XPO7: variants seen among roughly 807,000 people sequenced by gnomAD.
The protein encoded by XPO7 is exportin 7.
XPO7 carries 21 observed loss-of-function variants against 144.3 expected under a neutral mutation model. The observed-to-expected ratio is 0.15, with a 90% CI of 0.10 to 0.21. The LOEUF (loss-of-function observed/expected upper bound fraction) is 0.21, where lower values mean the gene tolerates loss of function less well. Ranked by LOEUF, XPO7 falls within the 10% of genes least tolerant of loss-of-function variation. The probability of loss-of-function intolerance (pLI) is 1.00; values close to 1 mark genes in which losing one functional copy is unlikely to be tolerated. For missense variants in XPO7, 808 were observed against 1,325.8 expected, an observed-to-expected ratio of 0.61 and a Z score of 6.06; for synonymous variants, 580 against 499.6, an observed-to-expected ratio of 1.16 and a Z score of -2.15.
chr8:21,940,919 G>A (rs1283996432), intron 1 of XPO7, among the ~76,000 whole-genome samples: 2 of 152,076 alleles, frequency 1.3e-5, no homozygotes, highest in Non-Finnish European at 2.9e-5. Context: ...GGTACATGCC[G>A]AATTATACCA....
At chr8:21,987,669 C>T in intron 14 of XPO7, 115 bp from the exon 15 acceptor site, 1 of 1,161,552 alleles carries the variant, frequency 8.6e-7, no homozygotes. Flanking sequence ...AAAGTCCTCT[C>T]TGGGATTCTT....
intron 4 of XPO7, 59 bp downstream of exon 4, chr8:21,970,369 AACACACACACACAC>A (rs140784168): frequency 9.6e-7 from 1 of 1,040,750 alleles, no homozygotes; most frequent in Non-Finnish European, 1.4e-6. Flanking sequence ...CATATATATA[AACACACACACACAC>A]ACACACACAA....
chr8:21,960,709 A>G (rs1811699724), intron 1 of XPO7, among the ~76,000 whole-genome samples: 1 of 152,252 alleles, frequency 6.6e-6, no homozygotes, highest in Non-Finnish European at 1.5e-5. Flanking sequence ...GTAGACATAC[A>G]CAGCATCTGC....
Position 21,980,208 on chromosome 8 carries a change from G to C in XPO7, c.957+5G>C. ...CGAATACTGGAAAACCCACAGGTAA[G>C]TTTATCTGAGAATTTACATATGTAT... On this transcript the variant is annotated splice_donor_5th_base_variant and intron_variant, in intron 9 of 27. Coordinates refer to ENST00000252512, the MANE Select transcript of XPO7 (RefSeq NM_015024.5). 6.3e-7 allele frequency: 1 copy of C among 1,577,284 alleles called. No homozygotes were observed. Among genetic ancestry groups the C allele is most frequent in the Non-Finnish European group, 8.6e-7 (1 of 1,159,938 alleles).
intron 1 of XPO7, among the ~76,000 whole-genome samples, chr8:21,936,779 C>T (rs1185270830): frequency 6.6e-6 from 1 of 152,030 alleles, no homozygotes; most frequent in Non-Finnish European, 1.5e-5. Context: ...CTATTAGTGG[C>T]CAGTGTGAAA....
chr8:21,949,458 C>A (rs1207005051), intron 1 of XPO7, among the ~76,000 whole-genome samples: 1 of 152,178 alleles, frequency 6.6e-6, no homozygotes, highest in Non-Finnish European at 1.5e-5. Context: ...CCCATTATTG[C>A]CACTCAGATG....
chr8:21,937,979 A>G (rs1023251730), intron 1 of XPO7, among the ~76,000 whole-genome samples: 1 of 152,192 alleles, frequency 6.6e-6, no homozygotes, highest in Non-Finnish European at 1.5e-5. Context: ...TGAGCCTTTC[A>G]TATCAATTTT....
At chr8:21,989,131 C>A in intron 16 of XPO7, 48 bp downstream of exon 16, 1 of 1,542,980 alleles carries the variant, frequency 6.5e-7, no homozygotes, top group South Asian at 1.1e-5. Flanking sequence ...ACTGGCATGC[C>A]ACAGTCTTAG....
chr8:21,971,578 A>G (rs1489726627), intron 4 of XPO7, among the ~76,000 whole-genome samples: 1 of 151,994 alleles, frequency 6.6e-6, no homozygotes, highest in Admixed American at 6.6e-5. Flanking sequence ...CATTTACTTT[A>G]GTGATGTGTT....
intron 1 of XPO7, among the ~76,000 whole-genome samples, chr8:21,950,757 T>G (rs1456537504): frequency 1.3e-5 from 2 of 152,182 alleles, no homozygotes; most frequent in Non-Finnish European, 2.9e-5. Flanking sequence ...GTATAAAATT[T>G]ATATTTACCT....
intron 2 of XPO7, among the ~76,000 whole-genome samples, chr8:21,967,397 C>A (rs542701637): frequency 1.3e-5 from 2 of 152,294 alleles, no homozygotes; most frequent in Non-Finnish European, 1.5e-5. Flanking sequence ...ATGGCGTGAT[C>A]TTGGCTCACT....
Position 22,003,218 on chromosome 8 carries a change from G to A in XPO7, c.2944-1G>A. ...CCTGAAATTCTCCATTCCATTTTCA[G>A]ATGCTGTCCACGGTGCTGAACATCA... On this transcript the variant is annotated splice_acceptor_variant, in intron 25 of 27. Transcript: ENST00000252512. LOFTEE classifies it high-confidence loss of function. 1 of 1,607,864 alleles carries A rather than the reference G, an allele frequency of 6.2e-7. No homozygotes were observed.
Position 22,005,265 on chromosome 8 carries a change from A to T in XPO7, c.*177A>T. The T allele has an allele frequency of 1.5e-4, 53 of 355,236 alleles. No individual in the cohort carries two copies. The highest frequency in any genetic ancestry group is 2.0e-4 in the Non-Finnish European group (40 of 195,330). 22.0% of individuals were successfully genotyped at this position (355,236 alleles called of 1,614,324 possible). The stretch of plus-strand genomic sequence containing the variant: ...GAATAGGGGTGTGAGTACACTCACT[A>T]GGGGGCAGGGCGCTGCTGGTTCCTG... On this transcript the variant is annotated 3_prime_UTR_variant, in exon 28 of 28. Coordinates refer to ENST00000252512, the MANE Select transcript of XPO7 (RefSeq NM_015024.5).
intron 12 of XPO7, among the ~76,000 whole-genome samples, chr8:21,985,251 CAGGG>C (rs1277637329): frequency 2.6e-5 from 4 of 152,208 alleles, no homozygotes; most frequent in African/African-American, 9.6e-5. Flanking sequence ...CCAGGGGAAA[CAGGG>C]AGATAAGTAC....
chr8:21,977,978 T>C, intron 8 of XPO7, 135 bp downstream of exon 8: 1 of 748,398 alleles, frequency 1.3e-6, no homozygotes, highest in East Asian at 2.9e-5. Flanking sequence ...ATCTAGTCTT[T>C]TGAGATTAAG....
intron 10 of XPO7, among the ~76,000 whole-genome samples, chr8:21,982,186 T>C (rs1012929626): frequency 2.6e-5 from 4 of 152,214 alleles, no homozygotes; most frequent in African/African-American, 9.6e-5. Context: ...AGAGAGTTGA[T>C]GCCCTCTCTT....
At chr8:21,968,786 T>C (rs117123298) in intron 2 of XPO7, among the ~76,000 whole-genome samples, 4,825 of 152,316 alleles carry the variant, frequency 0.032, 136 homozygotes, top group Non-Finnish European at 0.042. Flanking sequence ...TATAGCCACA[T>C]GGAGGAATTC....
chr8:21,971,860 T>A lies in XPO7; in HGVS notation c.427-16T>A. On this transcript the variant is annotated splice_polypyrimidine_tract_variant and intron_variant, in intron 4 of 27. Transcript: ENST00000252512. ...ACACATGACAACTCTTTCTACCTTA[T>A]ACTTTTTTTAACCAGGATAGTGTTG... The A allele has an allele frequency of 6.2e-7, 1 of 1,608,112 alleles. No individual in the cohort carries two copies. Among genetic ancestry groups the A allele is most frequent in the Non-Finnish European group, 8.5e-7 (1 of 1,176,436 alleles).
chr8:21,959,589 A>G (rs1474279041), intron 1 of XPO7, among the ~76,000 whole-genome samples: 3 of 152,148 alleles, frequency 2.0e-5, no homozygotes, highest in Admixed American at 6.5e-5. Context: ...CTACACTACA[A>G]TCACAAGGAT....
Sources: gnomAD v4.1 joint callset for allele counts (sites outside exome capture counted in the v4.1 genomes callset) on GRCh38, gnomAD v4.1.1 for gene constraint, MANE v1.5 for transcripts, NCBI Gene and HGNC (gene_info 2026-07-23, HGNC 2026-07-21) for gene names.